The following FAM168B variants were observed in gnomAD, a reference collection of about 807,000 sequenced individuals.
FAM168B encodes the protein family with sequence similarity 168 member B.
A neutral mutation model predicts 21.8 loss-of-function variants in FAM168B; 19 were observed. That is an observed-to-expected ratio of 0.87 (90% confidence interval 0.61 to 1.28). FAM168B has a LOEUF of 1.28. Among genes scored for constraint, FAM168B ranks in the 50% most tolerant of loss-of-function variants. The pLI, the probability that FAM168B is intolerant of heterozygous loss-of-function variation, is 0.00. For synonymous variants in FAM168B, 126 were observed against 104.8 expected (o/e 1.20, Z -1.24); for missense variants, 233 against 263.1 (o/e 0.89, Z 0.79).
At chr2:131,074,985 G>A (rs1241108089) in intron 2 of FAM168B, among the ~76,000 whole-genome samples, 1 of 152,068 alleles carries the variant, frequency 6.6e-6, no homozygotes, top group African/African-American at 2.4e-5. Flanking sequence ...ACTTCAAACT[G>A]ATCCCCCTCT....
intron 1 of FAM168B, among the ~76,000 whole-genome samples, chr2:131,091,010 G>T (rs959407574): frequency 6.6e-6 from 1 of 152,198 alleles, no homozygotes; most frequent in African/African-American, 2.4e-5. Flanking sequence ...CATTACAGGC[G>T]TGAGCCACCA....
chr2:131,054,384 C>A (rs754519609), intron 5 of FAM168B, among the ~76,000 whole-genome samples: 16 of 152,218 alleles, frequency 1.1e-4, no homozygotes, highest in Non-Finnish European at 2.1e-4. Flanking sequence ...TGGCACCCAA[C>A]CTGGTGCCTG....
At chr2:131,083,534 T>C (rs1471317303) in intron 1 of FAM168B, among the ~76,000 whole-genome samples, 1 of 152,034 alleles carries the variant, frequency 6.6e-6, no homozygotes, top group East Asian at 1.9e-4. Context: ...GAGCGAGACT[T>C]TGTCGCAAAA....
intron 3 of FAM168B, among the ~76,000 whole-genome samples, chr2:131,060,682 C>G (rs907065423): frequency 6.6e-6 from 1 of 152,144 alleles, no homozygotes; most frequent in Admixed American, 6.5e-5. Flanking sequence ...GGGCTACACT[C>G]AAGTCCATTG....
rs1023533696 is a variant in FAM168B, at chr2:131,088,252, A to T, written c.-12+4962T>A. 2.2e-4 allele frequency among the ~76,000 whole-genome samples: 19 copies of T among 86,320 alleles called. 1 individual carries two copies. The African/African-American group carries it at 3.9e-3, about 18-fold the overall frequency. The allele number at this position is 86,320 out of a possible 152,430, so 56.6% of individuals were successfully genotyped here. ...CAGAGCAAGACTCTGTCTGGGGGGA[A>T]AAAAAAATCAAATGGAGCCTTTACA... On this transcript the variant is annotated intron_variant, in intron 1 of 6. Coordinates refer to ENST00000389915, the MANE Select transcript of FAM168B (RefSeq NM_001009993.4).
At position 131,052,125 on chromosome 2, in the gene FAM168B, T is replaced by G. The variant is rs1227966853; in HGVS notation, c.*340A>C. Reference sequence around the variant, plus strand: ...TTTGCATATGATGGTTTTGCATCAGTCACTGCAGGTAGATTGAGCAAGCTT... The same window carrying G: ...TTTGCATATGATGGTTTTGCATCAGGCACTGCAGGTAGATTGAGCAAGCTT... On this transcript the variant is annotated 3_prime_UTR_variant, in exon 7 of 7. Transcript: ENST00000389915. 4.1e-6 allele frequency: 4 copies of G among 985,716 alleles called. No homozygotes were observed. The highest frequency in any genetic ancestry group is 3.6e-6 in the Non-Finnish European group (3 of 829,938). 61.1% of individuals were successfully genotyped at this position (985,716 alleles called of 1,614,324 possible).
intron 1 of FAM168B, among the ~76,000 whole-genome samples, chr2:131,087,697 A>G (rs569990873): frequency 6.6e-6 from 1 of 152,278 alleles, no homozygotes; most frequent in Non-Finnish European, 1.5e-5. Flanking sequence ...GCCTGAGTGG[A>G]GATGTCCTCT....
chr2:131,056,500 A>G (rs752074362), intron 3 of FAM168B, among the ~76,000 whole-genome samples: 10 of 152,160 alleles, frequency 6.6e-5, no homozygotes, highest in Non-Finnish European at 1.2e-4. Flanking sequence ...CGTCTCCAGA[A>G]GCAGATAAAG....
intron 3 of FAM168B, among the ~76,000 whole-genome samples, chr2:131,067,187 C>T (rs544855406): frequency 7.2e-5 from 11 of 152,294 alleles, no homozygotes; most frequent in African/African-American, 2.4e-4. Context: ...ATCACCACCA[C>T]TCTTGATGTG....
Position 131,049,268 on chromosome 2 carries a change from C to T in FAM168B, c.*3197G>A. ...CAGAAAGAGCAAGGTACTGTATGCC[C>T]AGCTGGGGAAGGGCAAGACACTCAC... On this transcript the variant is annotated 3_prime_UTR_variant, in exon 7 of 7. Coordinates refer to ENST00000389915, the MANE Select transcript of FAM168B (RefSeq NM_001009993.4). 1 of 985,522 alleles carries T rather than the reference C, an allele frequency of 1.0e-6. No homozygotes were observed. The highest frequency in any genetic ancestry group is 1.2e-6 in the Non-Finnish European group (1 of 830,004). 61.0% of individuals were successfully genotyped at this position (985,522 alleles called of 1,614,324 possible).
intron 1 of FAM168B, among the ~76,000 whole-genome samples, chr2:131,083,400 T>C (rs1407548287): frequency 2.0e-5 from 3 of 151,884 alleles, no homozygotes; most frequent in Non-Finnish European, 4.4e-5. Flanking sequence ...ATTAGCCAAG[T>C]GTGGTGACGC....
intron 2 of FAM168B, among the ~76,000 whole-genome samples, chr2:131,077,559 T>C (rs982564318): frequency 1.3e-5 from 2 of 152,232 alleles, no homozygotes; most frequent in African/African-American, 2.4e-5. Flanking sequence ...TCCATCCCAG[T>C]GTCCACTACC....
intron 2 of FAM168B, among the ~76,000 whole-genome samples, chr2:131,079,883 G>A (rs918614423): frequency 7.2e-5 from 11 of 151,920 alleles, no homozygotes; most frequent in South Asian, 2.1e-4. Flanking sequence ...TTGGGAGGCC[G>A]AGGTGGGAGG....
At chr2:131,055,477 C>T in intron 4 of FAM168B, 28 bp from the exon 5 acceptor site, 1 of 1,602,918 alleles carries the variant, frequency 6.2e-7, no homozygotes, top group Non-Finnish European at 8.5e-7. Context: ...ACAACTGACA[C>T]AGGGTCCCAG....
intron 3 of FAM168B, among the ~76,000 whole-genome samples, chr2:131,070,760 T>C (rs1000620112): frequency 1.3e-5 from 2 of 152,008 alleles, no homozygotes. Flanking sequence ...CACTACGAGA[T>C]GGATGGTTCT....
At chr2:131,067,333 G>C (rs1468259799) in intron 3 of FAM168B, among the ~76,000 whole-genome samples, 1 of 152,162 alleles carries the variant, frequency 6.6e-6, no homozygotes, top group Non-Finnish European at 1.5e-5. Context: ...AATTGGAAGA[G>C]GGCTAAGAAA....
chr2:131,071,106 T>A (rs1004993203), intron 3 of FAM168B, among the ~76,000 whole-genome samples: 2 of 152,212 alleles, frequency 1.3e-5, no homozygotes, highest in Non-Finnish European at 2.9e-5. Flanking sequence ...GGCAGAATTT[T>A]ATGATTAACA....
chr2:131,086,361 G>A (rs1048986036), intron 1 of FAM168B, among the ~76,000 whole-genome samples: 24 of 152,168 alleles, frequency 1.6e-4, no homozygotes, highest in Admixed American at 1.2e-3. Flanking sequence ...TCTCTTCTGA[G>A]TTTTACAATC....
chr2:131,082,760 G>T, intron 1 of FAM168B, 103 bp from the exon 2 acceptor site: 1 of 676,970 alleles, frequency 1.5e-6, no homozygotes, highest in Non-Finnish European at 2.5e-6. Flanking sequence ...TCTCTAGGCT[G>T]CTATAAAACA....
Sources: gnomAD v4.1 joint callset for allele counts (sites outside exome capture counted in the v4.1 genomes callset) on GRCh38, gnomAD v4.1.1 for gene constraint, MANE v1.5 for transcripts, NCBI Gene and HGNC (gene_info 2026-07-23, HGNC 2026-07-21) for gene names.